Variants in KRT26 observed in about 807,000 individuals in gnomAD.
KRT26 encodes keratin, type I cytoskeletal 26.
A neutral mutation model predicts 46.1 loss-of-function variants in KRT26; 45 were observed. That is an observed-to-expected ratio of 0.98 (90% CI 0.77 to 1.25). The LOEUF (loss-of-function observed/expected upper bound fraction) is 1.25, where lower values mean the gene tolerates loss of function less well. KRT26 is among the 50% of genes most tolerant of loss of function. The probability of loss-of-function intolerance (pLI) is 0.00; values close to 1 mark genes in which losing one functional copy is unlikely to be tolerated. For synonymous variants in KRT26, 191 were observed against 209.9 expected (o/e 0.91, Z 0.78); for missense variants, 582 against 560.1 (o/e 1.04, Z -0.39).
At chr17:40,770,341 T>C in exon 3 of KRT26, 1 of 1,613,998 alleles carries the variant, frequency 6.2e-7, no homozygotes, top group Non-Finnish European at 8.5e-7. Flanking sequence ...GGTCAGTTCA[T>C]CCAACACTCT....
chr17:40,769,231 C>G, intron 5 of KRT26, 135 bp from the exon 6 acceptor site: 1 of 575,218 alleles, frequency 1.7e-6, no homozygotes, highest in Non-Finnish European at 3.0e-6. Context: ...GATCTTGGCT[C>G]ACTGCAGCCT....
At position 40,771,789 on chromosome 17, in the gene KRT26, C is replaced by T. The variant is rs771353529; in HGVS notation, c.325G>A (p.Ala109Thr). 2.1e-5 allele frequency: 34 copies of T among 1,614,036 alleles called. No individual in the cohort carries two copies. The Admixed American group carries it at 4.2e-4, about 20-fold the overall frequency. Residue 109 changes from alanine to threonine, a missense_variant, in exon 1 of 8, where the codon GCA (alanine) becomes ACA (threonine). Coordinates refer to ENST00000335552, the Ensembl canonical transcript of KRT26. Reference sequence around the variant, plus strand: ...CCCTTGATCTTCTGCTCCAGGTCTGCGTTGGCCTCCTCTAGAGCATGCACA... The same window carrying T: ...CCCTTGATCTTCTGCTCCAGGTCTGTGTTGGCCTCCTCTAGAGCATGCACA...
exon 3 of KRT26, chr17:40,770,290 C>A (rs2038211836): frequency 1.2e-6 from 2 of 1,614,194 alleles, no homozygotes; most frequent in Non-Finnish European, 1.7e-6. Flanking sequence ...CAATTCCTCA[C>A]TGAGGGTCTC....
At chr17:40,771,561 G>A (rs749757986) in intron 1 of KRT26, 112 bp downstream of exon 1, 55 of 920,744 alleles carry the variant, frequency 6.0e-5, no homozygotes, top group Admixed American at 1.1e-4. Flanking sequence ...GAAATACAGA[G>A]TGAACAAATC....
chr17:40,768,746 A>G (rs998325338), intron 6 of KRT26, 133 bp downstream of exon 6: 2 of 540,324 alleles, frequency 3.7e-6, no homozygotes, highest in Non-Finnish European at 6.4e-6. Flanking sequence ...GGCTGCAATA[A>G]TATACATTCC....
intron 5 of KRT26, 43 bp from the exon 6 acceptor site, chr17:40,769,139 AT>A: frequency 8.1e-7 from 1 of 1,231,280 alleles, no homozygotes; most frequent in Non-Finnish European, 1.2e-6. Flanking sequence ...TAAAAGAGAA[AT>A]GGCATGGTCA....
At position 40,766,809 on chromosome 17, in the gene KRT26, G is replaced by T. The variant is rs915434783; in HGVS notation, c.1256-143C>A. On this transcript the variant is annotated intron_variant, in intron 7 of 7. Coordinates refer to ENST00000335552, the Ensembl canonical transcript of KRT26. The stretch of plus-strand genomic sequence containing the variant: ...GGCTGGAGTGCAGTGGCATGATCTC[G>T]GCTCACTGCAGCCTCTGCCTCCCGG... 7 of 572,554 alleles carry T rather than the reference G, an allele frequency of 1.2e-5. No homozygotes were observed. The African/African-American group carries it at 1.3e-4, about 11-fold the overall frequency. 35.5% of individuals were successfully genotyped at this position (572,554 alleles called of 1,614,324 possible). A position where few individuals can be genotyped will look rare whatever the true frequency, so the allele number is the denominator to read the frequency against.
chr17:40,770,079 ACGTT>A lies in KRT26; in HGVS notation c.721_724del (p.Asn241TrpfsTer3). 1 of 1,614,048 alleles carries A rather than the reference ACGTT, an allele frequency of 6.2e-7. No homozygotes were observed. The highest frequency in any genetic ancestry group is 8.5e-7 in the Non-Finnish European group (1 of 1,180,006). ...CACTCCTGGGGTTGCATTCATCTCC[ACGTT>A]CACGTTCCCCCCAGCTGTATATTGC... On this transcript the variant is annotated frameshift_variant, in exon 4 of 8. Transcript: ENST00000335552. LOFTEE classifies it high-confidence loss of function.
At chr17:40,770,609 A>G (rs115869215) in intron 2 of KRT26, among the ~76,000 whole-genome samples, 200 bp from the exon 3 acceptor site, 1,800 of 152,296 alleles carry the variant, frequency 0.012, 42 homozygotes, top group African/African-American at 0.041. Flanking sequence ...TTCAGAGCTG[A>G]TTTTTGTCAT....
rs1000277020 is a variant in KRT26, at chr17:40,769,206, T to C, written c.970-110A>G. ...CTGTGTCTTGCTCTGTCACCCAGGC[T>C]GAGTGCAGTGGCATGATCTTGGCTC... is the stretch of plus-strand genomic sequence containing the variant. On this transcript the variant is annotated intron_variant, in intron 5 of 7. Transcript: ENST00000335552. 5.9e-6 allele frequency: 4 copies of C among 675,964 alleles called. No individual in the cohort carries two copies. In the Admixed American group the frequency reaches 8.4e-5, roughly 14 times the overall value. The allele number at this position is 675,964 out of a possible 1,614,324, so 41.9% of individuals were successfully genotyped here.
At chr17:40,771,932 C>T (rs200744238) in exon 1 of KRT26, 78 of 1,614,078 alleles carry the variant, frequency 4.8e-5, no homozygotes, top group Non-Finnish European at 8.5e-6. Flanking sequence ...TCCCAACCCT[C>T]CACCGCTATT....
rs2038226748 is a variant in KRT26, at chr17:40,772,013, C to T, written c.101G>A (p.Cys34Tyr). The change falls in exon 1 of 8, where the codon TGT (cysteine) becomes TAT (tyrosine). Residue 34 changes from cysteine to tyrosine, a missense_variant. Cys to Tyr is a radical substitution (Grantham distance 194). Coordinates refer to ENST00000335552, the Ensembl canonical transcript of KRT26. ...GCTGCTTCTTGCTCCCGATCCAACA[C>T]ACACATTCCCAGCCACGAAGCCTGT... is the stretch of plus-strand genomic sequence containing the variant. 1.9e-6 allele frequency: 3 copies of T among 1,614,062 alleles called. No individual in the cohort carries two copies. The South Asian group carries it at 3.3e-5, about 18-fold the overall frequency.
At chr17:40,766,930 G>C (rs2038176980) in intron 7 of KRT26, among the ~76,000 whole-genome samples, 1 of 152,128 alleles carries the variant, frequency 6.6e-6, no homozygotes, top group Non-Finnish European at 1.5e-5. Context: ...AGTAGAGATG[G>C]AGTTTCACCA....
exon 4 of KRT26, chr17:40,770,069 A>G (rs1399457334): frequency 6.2e-7 from 1 of 1,614,056 alleles, no homozygotes; most frequent in East Asian, 2.2e-5. Flanking sequence ...CTGGGGTTGC[A>G]TTCATCTCCA....
At chr17:40,766,634 C>T in exon 8 of KRT26, 1 of 1,612,808 alleles carries the variant, frequency 6.2e-7, no homozygotes, top group Non-Finnish European at 8.5e-7. Flanking sequence ...AGTTCCTCAA[C>T]CACTGTTTTA....
rs377152917 is a variant in KRT26, at chr17:40,770,432, G to A, written c.525-23C>T. 5.1e-6 allele frequency: 8 copies of A among 1,559,474 alleles called. No individual in the cohort carries two copies. The African/African-American group carries it at 8.3e-5, about 16-fold the overall frequency. On this transcript the variant is annotated intron_variant, in intron 2 of 7. Transcript: ENST00000335552. ...TACCTGAAAGATTAGTAAGGCACCT[G>A]AGAGTTGTCATCGTAGGCAGGTGCA...
chr17:40,768,854 T>C, intron 6 of KRT26, 25 bp downstream of exon 6: 1 of 1,338,752 alleles, frequency 7.5e-7, no homozygotes, highest in Non-Finnish European at 1.0e-6. Context: ...GAGGTTTTTT[T>C]TTTTTTTTGC....
At chr17:40,769,130 A>G in intron 5 of KRT26, 34 bp from the exon 6 acceptor site, 2 of 1,370,410 alleles carry the variant, frequency 1.5e-6, no homozygotes, top group Non-Finnish European at 2.1e-6. Flanking sequence ...TTGAATGTGT[A>G]AAAGAGAAAT....
At chr17:40,771,106 A>T in intron 2 of KRT26, 48 bp downstream of exon 2, 1 of 1,095,236 alleles carries the variant, frequency 9.1e-7, no homozygotes. Context: ...ATCCAATTGT[A>T]ATATTTTAAC....
Sources: allele counts gnomAD v4.1 joint callset (sites outside exome capture counted in the v4.1 genomes callset), GRCh38; gene constraint gnomAD v4.1.1; transcripts MANE v1.5; gene names NCBI Gene and HGNC (gene_info 2026-07-23, HGNC 2026-07-21).